Variants in ENDOV observed in about 807,000 individuals in gnomAD.
ENDOV encodes the protein endonuclease V.
In ENDOV, 37 loss-of-function variants were observed where a neutral mutation model predicts 39.4. The observed-to-expected ratio is 0.94, with a 90% CI of 0.72 to 1.23. The LOEUF is 1.23. Among genes scored for constraint, ENDOV ranks in the 50% most tolerant of loss-of-function variants. The pLI, the probability that ENDOV is intolerant of heterozygous loss-of-function variation, is 0.00. For synonymous variants in ENDOV, 186 were observed against 163.4 expected (o/e 1.14, Z -1.05); for missense variants, 441 against 375.7 (o/e 1.17, Z -1.44).
At chr17:80,428,768 A>C in intron 8 of ENDOV, 108 bp downstream of exon 8, 1 of 1,110,872 alleles carries the variant, frequency 9.0e-7, no homozygotes, top group Non-Finnish European at 1.3e-6. Context: ...GGCTCAGGAC[A>C]GACAGTGCAG....
intron 9 of ENDOV, among the ~76,000 whole-genome samples, chr17:80,432,953 G>A (rs1183676355): frequency 1.3e-5 from 2 of 152,296 alleles, no homozygotes; most frequent in East Asian, 3.9e-4. Flanking sequence ...GACACACCCA[G>A]AGCCTGGTGT....
In ENDOV at chr17:80,415,170, C is replaced by A. The variant is rs770622803; in HGVS notation, c.-25C>A. On this transcript the variant is annotated 5_prime_UTR_variant, in exon 1 of 10. Transcript: ENST00000518137. ...GCGAGTCGCTTCCGGAAGTGACGTG[C>A]GGAAGGGGTGCCCGGGACGAAGCCA... 23 of 1,611,524 alleles carry A rather than the reference C, an allele frequency of 1.4e-5. No individual in the cohort carries two copies. Among genetic ancestry groups the A allele is most frequent in the South Asian group, 1.3e-4 (12 of 90,726 alleles).
chr17:80,429,969 G>T (rs768010039), intron 9 of ENDOV, 138 bp downstream of exon 9: 3 of 1,552,062 alleles, frequency 1.9e-6, no homozygotes, highest in African/African-American at 1.4e-5. Flanking sequence ...CGGCCACCCC[G>T]TTCTGGCCTC....
chr17:80,433,980 A>G (rs1599479362), intron 9 of ENDOV, among the ~76,000 whole-genome samples: 2 of 152,372 alleles, frequency 1.3e-5, no homozygotes, highest in East Asian at 3.9e-4. Context: ...ATTCACAATC[A>G]TGTGCAACCA....
chr17:80,422,317 C>A, intron 4 of ENDOV, 72 bp downstream of exon 4: 1 of 1,569,302 alleles, frequency 6.4e-7, no homozygotes, highest in Non-Finnish European at 8.7e-7. Context: ...CTCTGTCGTC[C>A]CCCACAGAAA....
chr17:80,424,508 G>C (rs2082442187), intron 5 of ENDOV, among the ~76,000 whole-genome samples: 2 of 152,350 alleles, frequency 1.3e-5, no homozygotes, highest in South Asian at 4.1e-4. Flanking sequence ...GTTTGAACAG[G>C]GTCTTGTGGG....
chr17:80,420,919 G>A (rs941873830), intron 2 of ENDOV, among the ~76,000 whole-genome samples: 16 of 152,018 alleles, frequency 1.1e-4, no homozygotes, highest in African/African-American at 3.6e-4. Context: ...TCAGGTGATC[G>A]TCCGCCTCGG....
chr17:80,416,214 G>A (rs1193613419), intron 2 of ENDOV: 2 of 137,358 alleles, frequency 1.5e-5, no homozygotes, highest in African/African-American at 6.1e-5. Flanking sequence ...TCCAGCCTCG[G>A]CAACAAGAGC....
At chr17:80,423,670 C>T in intron 5 of ENDOV, 38 bp downstream of exon 5, 2 of 1,531,102 alleles carry the variant, frequency 1.3e-6, no homozygotes, top group Admixed American at 2.0e-5. Flanking sequence ...CCCGGCAGCT[C>T]AGTGGCGGGG....
intron 2 of ENDOV, chr17:80,420,090 A>G (rs995461356): frequency 4.2e-5 from 9 of 214,368 alleles, no homozygotes; most frequent in African/African-American, 1.8e-4. Context: ...TCTCGCGCAC[A>G]TGCGCTCTTT....
At chr17:80,430,092 G>A (rs1268338591) in intron 9 of ENDOV, 15 of 1,535,194 alleles carry the variant, frequency 9.8e-6, no homozygotes, top group Admixed American at 7.9e-5. Context: ...CCAGGGGGAC[G>A]CCGCAGCACA....
rs200759604 is a variant in ENDOV, at chr17:80,436,188, C to G, written c.*45C>G. 4 of 1,588,338 alleles carry G rather than the reference C, an allele frequency of 2.5e-6. No individual in the cohort carries two copies. Among genetic ancestry groups the G allele is most frequent in the Middle Eastern group, 1.7e-4 (1 of 5,964 alleles). Reference sequence around the variant, plus strand: ...CGTCCTCGTCTCATTCCTGATCGAACGCGGTGGTGAGAGCACACGTCCTCG... The same window carrying G: ...CGTCCTCGTCTCATTCCTGATCGAAGGCGGTGGTGAGAGCACACGTCCTCG... On this transcript the variant is annotated 3_prime_UTR_variant, in exon 10 of 10. Transcript: ENST00000518137.
chr17:80,424,918 G>A, intron 5 of ENDOV, 114 bp from the exon 6 acceptor site: 1 of 844,976 alleles, frequency 1.2e-6, no homozygotes, highest in South Asian at 1.6e-5. Context: ...TCGCGCCACT[G>A]TACTTCAGCC....
intron 9 of ENDOV, among the ~76,000 whole-genome samples, chr17:80,432,554 CAG>C (rs1243275135): frequency 2.0e-5 from 3 of 152,092 alleles, no homozygotes; most frequent in Admixed American, 2.0e-4. Context: ...GGTTGGGGGA[CAG>C]GGAGGCAGAG....
chr17:80,424,678 G>A (rs2082465475), intron 5 of ENDOV, among the ~76,000 whole-genome samples: 3 of 152,196 alleles, frequency 2.0e-5, no homozygotes, highest in Admixed American at 1.3e-4. Flanking sequence ...GACCTGGGCC[G>A]GTTGCGGTGG....
chr17:80,434,685 C>T (rs4494604), intron 9 of ENDOV, among the ~76,000 whole-genome samples: 14,228 of 152,236 alleles, frequency 0.093, 791 homozygotes, highest in South Asian at 0.2. Flanking sequence ...GTGGTTCATG[C>T]CTGTAATCCC....
At position 80,426,030 on chromosome 17, in the gene ENDOV, C is replaced by T. The variant is rs1322603018; in HGVS notation, c.714+410C>T. ...AGGAGGCTCCTGCAGGAAAGCTGTGCAGGCCCCAGAGACGCCAGTCTGGGG... is the reference window on the plus strand; with the variant it reads ...AGGAGGCTCCTGCAGGAAAGCTGTGTAGGCCCCAGAGACGCCAGTCTGGGG... On this transcript the variant is annotated intron_variant, in intron 7 of 9. Transcript: ENST00000518137. Among the ~76,000 whole-genome samples the T allele has an allele frequency of 2.0e-5, 3 of 152,324 alleles. No homozygotes were observed. The South Asian group carries it at 6.2e-4, about 32-fold the overall frequency.
chr17:80,428,579 A>T lies in ENDOV; in HGVS notation c.715-17A>T. The T allele has an allele frequency of 6.4e-7, 1 of 1,571,142 alleles. No individual in the cohort carries two copies. Among genetic ancestry groups the T allele is most frequent in the South Asian group, 1.2e-5 (1 of 85,300 alleles). On this transcript the variant is annotated splice_polypyrimidine_tract_variant and intron_variant, in intron 7 of 9. Coordinates refer to ENST00000518137, the MANE Select transcript of ENDOV (RefSeq NM_173627.5). ...AGAGACCAGCTCAGCACCCAGCAGCACGTCTGTCTCCCCCAGGCTGACATC... is the reference window on the plus strand; with the variant it reads ...AGAGACCAGCTCAGCACCCAGCAGCTCGTCTGTCTCCCCCAGGCTGACATC...
chr17:80,427,559 C>G, intron 7 of ENDOV: 1 of 1,066,406 alleles, frequency 9.4e-7, no homozygotes, highest in Non-Finnish European at 1.1e-6. Flanking sequence ...CACCCCGTAC[C>G]AGGAGCCCGC....
Sources: allele counts gnomAD v4.1 joint callset (sites outside exome capture counted in the v4.1 genomes callset), GRCh38; gene constraint gnomAD v4.1.1; transcripts MANE v1.5; gene names NCBI Gene and HGNC (gene_info 2026-07-23, HGNC 2026-07-21).